Variants in CDH12 observed in about 807,000 individuals in gnomAD.
The protein encoded by CDH12 is cadherin 12.
A neutral mutation model predicts 74.1 loss-of-function variants in CDH12; 41 were observed. That is an observed-to-expected ratio of 0.55 (90% confidence interval 0.43 to 0.72). The LOEUF is 0.72. CDH12 is among the 30% of genes least tolerant of loss of function. The pLI is 0.00. For synonymous variants in CDH12, 399 were observed against 355.0 expected, an observed-to-expected ratio of 1.12 and a Z score of -1.39; for missense variants, 945 against 977.2, an observed-to-expected ratio of 0.97 and a Z score of 0.44.
intron 1 of CDH12, among the ~76,000 whole-genome samples, chr5:22,701,043 T>G (rs1043062411): frequency 6.6e-6 from 1 of 152,160 alleles, no homozygotes; most frequent in African/African-American, 2.4e-5. Flanking sequence ...ACCCACTTCC[T>G]TTTCCTGTTT....
chr5:22,177,401 A>C (rs906897636), intron 4 of CDH12, among the ~76,000 whole-genome samples: 2 of 152,188 alleles, frequency 1.3e-5, no homozygotes, highest in African/African-American at 4.8e-5. Context: ...TTAGTGCCTG[A>C]AAACCTTGCT....
chr5:22,520,370 A>G (rs1580728532), intron 1 of CDH12, among the ~76,000 whole-genome samples: 1 of 152,222 alleles, frequency 6.6e-6, no homozygotes, highest in Non-Finnish European at 1.5e-5. Context: ...ATAAATATGC[A>G]TGCAACATTT....
intron 2 of CDH12, among the ~76,000 whole-genome samples, chr5:22,489,881 A>G (rs1016595096): frequency 2.0e-5 from 3 of 151,648 alleles, no homozygotes; most frequent in Non-Finnish European, 4.4e-5. Context: ...AGGTCTCCCT[A>G]TGTTGCCCAG....
chr5:21,911,035 G>T (rs1326584692), intron 6 of CDH12, among the ~76,000 whole-genome samples: 2 of 152,118 alleles, frequency 1.3e-5, no homozygotes, highest in Admixed American at 6.6e-5. Context: ...GTGTTTCAAA[G>T]AAATTATTTT....
chr5:21,938,393 G>C (rs1755169398), intron 6 of CDH12, among the ~76,000 whole-genome samples: 1 of 151,458 alleles, frequency 6.6e-6, no homozygotes, highest in Non-Finnish European at 1.5e-5. Flanking sequence ...GATGATAGCT[G>C]GATAGCTAGA....
At chr5:22,473,247 G>C (rs1338779383) in intron 2 of CDH12, among the ~76,000 whole-genome samples, 2 of 152,036 alleles carry the variant, frequency 1.3e-5, no homozygotes, top group Non-Finnish European at 2.9e-5. Flanking sequence ...CCCATATAAA[G>C]AGATCTCCAT....
At chr5:21,775,570 A>G (rs140868524) in intron 11 of CDH12, among the ~76,000 whole-genome samples, 27 of 152,196 alleles carry the variant, frequency 1.8e-4, no homozygotes, top group African/African-American at 6.5e-4. Flanking sequence ...TGACCTCAAC[A>G]TGACTTTTCA....
At chr5:22,393,945 G>A (rs575037097) in intron 3 of CDH12, among the ~76,000 whole-genome samples, 2 of 152,066 alleles carry the variant, frequency 1.3e-5, no homozygotes, top group African/African-American at 4.8e-5. Context: ...CAAACAAAAT[G>A]TTAAGAGTGC....
At chr5:21,961,998 CA>C (rs1307815065) in intron 6 of CDH12, among the ~76,000 whole-genome samples, 1 of 152,046 alleles carries the variant, frequency 6.6e-6, no homozygotes, top group Non-Finnish European at 1.5e-5. Flanking sequence ...CTTTCTTCAC[CA>C]GTTCAGTGTT....
chr5:22,771,931 C>G (rs538610746), intron 1 of CDH12, among the ~76,000 whole-genome samples: 2 of 151,998 alleles, frequency 1.3e-5, no homozygotes, highest in Non-Finnish European at 2.9e-5. Context: ...TAAACACACA[C>G]GCACACATAT....
At chr5:22,586,592 TA>T (rs1740416450) in intron 1 of CDH12, among the ~76,000 whole-genome samples, 1 of 151,680 alleles carries the variant, frequency 6.6e-6, no homozygotes, top group African/African-American at 2.4e-5. Context: ...TGATATCCTA[TA>T]ATTACATAAA....
chr5:21,953,739 A>C (rs2150103414), intron 6 of CDH12, among the ~76,000 whole-genome samples: 1 of 152,296 alleles, frequency 6.6e-6, no homozygotes, highest in South Asian at 2.1e-4. Flanking sequence ...ACAGTGTGAT[A>C]ATGTTTTAAA....
chr5:22,645,572 A>T (rs1402789885), intron 1 of CDH12, among the ~76,000 whole-genome samples: 1 of 152,072 alleles, frequency 6.6e-6, no homozygotes, highest in African/African-American at 2.4e-5. Flanking sequence ...TCATAAACTT[A>T]GTGGACAAAG....
chr5:22,011,196 C>T (rs1737274775), intron 5 of CDH12, among the ~76,000 whole-genome samples: 1 of 152,014 alleles, frequency 6.6e-6, no homozygotes, highest in Non-Finnish European at 1.5e-5. Context: ...GCCATTTTCT[C>T]TGGATACTGG....
At chr5:21,999,464 T>C (rs1353176578) in intron 5 of CDH12, among the ~76,000 whole-genome samples, 1 of 152,206 alleles carries the variant, frequency 6.6e-6, no homozygotes, top group African/African-American at 2.4e-5. Context: ...CAGTTAACAC[T>C]GCACTATTTT....
intron 2 of CDH12, among the ~76,000 whole-genome samples, chr5:22,498,734 A>G (rs1435354562): frequency 6.6e-5 from 10 of 151,948 alleles, no homozygotes; most frequent in Non-Finnish European, 1.0e-4. Flanking sequence ...TAATAATTGT[A>G]TAAGTTTACA....
At chr5:22,613,049 G>A (rs1051247876) in intron 1 of CDH12, among the ~76,000 whole-genome samples, 1 of 152,056 alleles carries the variant, frequency 6.6e-6, no homozygotes, top group Non-Finnish European at 1.5e-5. Flanking sequence ...AATATGAGGT[G>A]TAGGTGAGGT....
chr5:22,715,333 T>C (rs1460542821), intron 1 of CDH12, among the ~76,000 whole-genome samples: 1 of 152,226 alleles, frequency 6.6e-6, no homozygotes, highest in East Asian at 1.9e-4. Context: ...TAAAGAACAA[T>C]CTAAGTCAGT....
At chr5:22,519,289 T>A (rs1321540400) in intron 1 of CDH12, among the ~76,000 whole-genome samples, 2 of 152,120 alleles carry the variant, frequency 1.3e-5, no homozygotes, top group African/African-American at 2.4e-5. Flanking sequence ...TTCACCACCA[T>A]TTTTATTCTC....
Sources: gnomAD v4.1 joint callset for allele counts (sites outside exome capture counted in the v4.1 genomes callset) on GRCh38, gnomAD v4.1.1 for gene constraint, MANE v1.5 for transcripts, NCBI Gene and HGNC (gene_info 2026-07-23, HGNC 2026-07-21) for gene names.